The following IL1RAPL1 variants were observed in gnomAD, a reference collection of about 807,000 sequenced individuals.
The protein encoded by IL1RAPL1 is interleukin 1 receptor accessory protein like 1.
Under a neutral mutation model 48.4 loss-of-function variants are expected in IL1RAPL1, and 3 were observed. That is an observed-to-expected ratio of 0.06 (90% CI 0.03 to 0.16). The LOEUF is 0.16. IL1RAPL1 is among the 10% of genes least tolerant of loss of function. The pLI is 1.00. For synonymous variants in IL1RAPL1, 185 were observed against 187.7 expected (o/e 0.99, Z 0.12); for missense variants, 349 against 530.6 (o/e 0.66, Z 3.36).
intron 5 of IL1RAPL1, among the ~76,000 whole-genome samples, chrX:29,465,261 C>G (rs1358647129): frequency 9.1e-6 from 1 of 110,144 alleles, no homozygotes; most frequent in Non-Finnish European, 1.9e-5. Context: ...CAAAAATCAG[C>G]CAGGCATGGT....
chrX:28,660,582 A>G (rs1317246670), intron 1 of IL1RAPL1, among the ~76,000 whole-genome samples: 1 of 112,062 alleles, frequency 8.9e-6, no homozygotes, highest in East Asian at 2.8e-4. Flanking sequence ...GACTAAAAAT[A>G]TGTACATTCA....
At chrX:29,304,463 G>C (rs1353294204) in intron 3 of IL1RAPL1, among the ~76,000 whole-genome samples, 1 of 111,707 alleles carries the variant, frequency 9.0e-6, no homozygotes, top group Non-Finnish European at 1.9e-5. Context: ...CAAACTTCTA[G>C]CAGAGCATTG....
chrX:29,947,085 C>T (rs1307060890), intron 9 of IL1RAPL1, among the ~76,000 whole-genome samples: 2 of 111,554 alleles, frequency 1.8e-5, no homozygotes, highest in Admixed American at 9.5e-5. Context: ...AGTGTTGCCT[C>T]ATTTTAGTTA....
Position 29,789,439 on chromosome X carries a change from A to G in IL1RAPL1, c.778+120935A>G, listed in dbSNP as rs186750464. Among the ~76,000 whole-genome samples the G allele has an allele frequency of 2.3e-4, 26 of 111,685 alleles. No individual in the cohort carries two copies. In the East Asian group the frequency reaches 6.2e-3, roughly 26 times the overall value. ...CTCATTCAGCCAAAAAATCTATATT[A>G]TGCTAGTGTCTATTACATGTGACTT... On this transcript the variant is annotated intron_variant, in intron 6 of 10. Coordinates refer to ENST00000378993, the MANE Select transcript of IL1RAPL1 (RefSeq NM_014271.4).
intron 5 of IL1RAPL1, among the ~76,000 whole-genome samples, chrX:29,410,185 A>T (rs1317411101): frequency 9.2e-6 from 1 of 108,987 alleles, no homozygotes; most frequent in Non-Finnish European, 1.9e-5. Flanking sequence ...AGTGCTCGCC[A>T]GGTGCAGTGG....
At chrX:29,284,321 A>G (rs1024898616) in intron 3 of IL1RAPL1, among the ~76,000 whole-genome samples, 3 of 112,641 alleles carry the variant, frequency 2.7e-5, no homozygotes, top group Non-Finnish European at 5.6e-5. Flanking sequence ...AAGTTGCATA[A>G]AAGTTAAACA....
At chrX:28,934,359 G>A (rs753502543) in intron 2 of IL1RAPL1, among the ~76,000 whole-genome samples, 1 of 110,766 alleles carries the variant, frequency 9.0e-6, no homozygotes, top group Non-Finnish European at 1.9e-5. Flanking sequence ...AAACCTTTTC[G>A]CTAACTGCCT....
chrX:29,488,362 C>T (rs1415711039), intron 5 of IL1RAPL1, among the ~76,000 whole-genome samples: 1 of 111,875 alleles, frequency 8.9e-6, no homozygotes, highest in Non-Finnish European at 1.9e-5. Flanking sequence ...CACTTGAACC[C>T]AGGAGGCAGA....
At chrX:29,278,996 A>G (rs1176497412) in intron 2 of IL1RAPL1, among the ~76,000 whole-genome samples, 2 of 112,656 alleles carry the variant, frequency 1.8e-5, no homozygotes, top group Non-Finnish European at 3.7e-5. Context: ...ACAATAATAC[A>G]ATATAGAAGG....
chrX:29,189,970 AG>A (rs1930321801), intron 2 of IL1RAPL1, among the ~76,000 whole-genome samples: 1 of 111,660 alleles, frequency 9.0e-6, no homozygotes, highest in Non-Finnish European at 1.9e-5. Context: ...AGTGGTTTAG[AG>A]CATGGACCTT....
chrX:29,242,280 C>A (rs1157393666), intron 2 of IL1RAPL1, among the ~76,000 whole-genome samples: 2 of 112,517 alleles, frequency 1.8e-5, no homozygotes, highest in Non-Finnish European at 3.7e-5. Context: ...CTCATCTAAT[C>A]ATCCCAAGAA....
intron 6 of IL1RAPL1, among the ~76,000 whole-genome samples, chrX:29,723,319 G>A (rs1430003550): frequency 1.8e-5 from 2 of 112,410 alleles, no homozygotes; most frequent in Non-Finnish European, 3.8e-5. Context: ...TGCGATCTCG[G>A]CTCACTGCAA....
intron 6 of IL1RAPL1, among the ~76,000 whole-genome samples, chrX:29,726,816 A>G (rs773077987): frequency 6.4e-4 from 71 of 111,620 alleles, no homozygotes; most frequent in African/African-American, 2.2e-3. Flanking sequence ...TCTGATCTCT[A>G]TAGAAAATAA....
intron 2 of IL1RAPL1, among the ~76,000 whole-genome samples, chrX:28,879,445 A>G (rs772659097): frequency 3.6e-5 from 4 of 111,446 alleles, no homozygotes; most frequent in Non-Finnish European, 5.7e-5. Context: ...AATAAACCAC[A>G]TTGTCAAAAG....
chrX:28,873,400 C>G (rs897111427), intron 2 of IL1RAPL1, among the ~76,000 whole-genome samples: 3 of 108,653 alleles, frequency 2.8e-5, no homozygotes, highest in Non-Finnish European at 3.8e-5. Flanking sequence ...CGCGAGCCAC[C>G]GAGCCCGGCC....
chrX:28,908,409 A>G (rs1923274907), intron 2 of IL1RAPL1, among the ~76,000 whole-genome samples: 1 of 111,319 alleles, frequency 9.0e-6, no homozygotes, highest in South Asian at 3.7e-4. Context: ...ATTTTCATTT[A>G]GTAATATTCT....
At chrX:28,839,568 A>G (rs189155769) in intron 2 of IL1RAPL1, among the ~76,000 whole-genome samples, 18 of 110,608 alleles carry the variant, frequency 1.6e-4, no homozygotes, top group Admixed American at 8.7e-4. Context: ...TAAAATGTCT[A>G]TTGAACAGCT....
rs184925891 is a variant in IL1RAPL1 at position 29,116,786 on chromosome X, C to G, written c.83-166152C>G. 1.4e-3 allele frequency among the ~76,000 whole-genome samples: 157 copies of G among 111,190 alleles called. 3 individuals are homozygous for G. Among genetic ancestry groups the G allele is most frequent in the Non-Finnish European group, 9.6e-4 (51 of 52,866 alleles). ...GAGTGAATGATGTCAAATAAAAGTG[C>G]TTTGTGTAATGTTGGACAGAGATAT... On this transcript the variant is annotated intron_variant, in intron 2 of 10. Coordinates refer to ENST00000378993, the MANE Select transcript of IL1RAPL1 (RefSeq NM_014271.4).
chrX:28,985,850 G>A (rs954799366), intron 2 of IL1RAPL1, among the ~76,000 whole-genome samples: 5 of 109,555 alleles, frequency 4.6e-5, no homozygotes, highest in Non-Finnish European at 7.6e-5. Flanking sequence ...TAGTAGAGAC[G>A]GGGTTTCACT....
Sources: allele counts gnomAD v4.1 joint callset (sites outside exome capture counted in the v4.1 genomes callset), GRCh38; gene constraint gnomAD v4.1.1; transcripts MANE v1.5; gene names NCBI Gene and HGNC (gene_info 2026-07-23, HGNC 2026-07-21).